DPP10: variants seen among roughly 807,000 people sequenced by gnomAD.
DPP10 encodes inactive dipeptidyl peptidase 10.
In DPP10, 33 loss-of-function variants were observed where a neutral mutation model predicts 120.9. That is an observed-to-expected ratio of 0.27 (90% CI 0.21 to 0.37). DPP10 has a LOEUF of 0.37. DPP10 is among the 10% of genes least tolerant of loss of function. DPP10 has a pLI of 1.00. For synonymous variants in DPP10, 337 were observed against 326.1 expected (o/e 1.03, Z -0.36); for missense variants, 816 against 942.8 (o/e 0.87, Z 1.76).
chr2:115,545,572 T>C (rs760396518), intron 5 of DPP10, among the ~76,000 whole-genome samples: 2 of 152,160 alleles, frequency 1.3e-5, no homozygotes, highest in African/African-American at 2.4e-5. Flanking sequence ...ATAGTGTGTT[T>C]GCACAACAGT....
intron 1 of DPP10, among the ~76,000 whole-genome samples, chr2:115,089,087 G>A (rs545474958): frequency 2.0e-5 from 3 of 152,094 alleles, no homozygotes; most frequent in South Asian, 2.1e-4. Flanking sequence ...CCTTCTGCCC[G>A]CAAACTTCTT....
Position 115,730,780 on chromosome 2 carries a change from A to T in DPP10, c.697+2844A>T, listed in dbSNP as rs1303667855. On this transcript the variant is annotated intron_variant, in intron 8 of 25. Transcript: ENST00000410059. ...CAAACGGGTAATACAAACTTTTGTG[A>T]TGATGCTGTAGGTCTGACGCATTCC... is the stretch of plus-strand genomic sequence containing the variant. Among the ~76,000 whole-genome samples the T allele has an allele frequency of 4.6e-5, 7 of 152,184 alleles. No individual in the cohort carries two copies. In the East Asian group the frequency reaches 1.3e-3, roughly 29 times the overall value.
At chr2:114,538,067 G>A (rs947343583) in intron 1 of DPP10, among the ~76,000 whole-genome samples, 3 of 152,166 alleles carry the variant, frequency 2.0e-5, no homozygotes, top group Admixed American at 2.0e-4. Context: ...TATTTTCCCT[G>A]GCTAGCTGTT....
intron 1 of DPP10, among the ~76,000 whole-genome samples, chr2:115,133,145 G>GTGTGTATATATATATATATATATATATA (rs1338395575): frequency 3.5e-5 from 1 of 28,762 alleles, no homozygotes; most frequent in African/African-American, 1.3e-4. Context: ...GTGTGTGTGT[G>GTGTGTATATATATATATATATATATATA]TATATATATA....
At chr2:114,711,191 A>G (rs1362909483) in intron 1 of DPP10, among the ~76,000 whole-genome samples, 1 of 152,202 alleles carries the variant, frequency 6.6e-6, no homozygotes, top group Non-Finnish European at 1.5e-5. Context: ...ATGGTATGAC[A>G]TGCTGGGCAT....
chr2:115,184,314 A>C, intron 1 of DPP10, among the ~76,000 whole-genome samples: 1 of 152,178 alleles, frequency 6.6e-6, no homozygotes, highest in East Asian at 1.9e-4. Flanking sequence ...CTGCCTGATG[A>C]AGATGATTTG....
chr2:114,775,957 T>G lies in DPP10; in HGVS notation c.60+333119T>G, dbSNP rs6741593. Among the ~76,000 whole-genome samples, 418 of 152,222 alleles carry G rather than the reference T, an allele frequency of 2.7e-3. 2 individuals are homozygous for G. Among genetic ancestry groups the G allele is most frequent in the Middle Eastern group, 0.017 (5 of 294 alleles). ...ACTTACAATGTTGGTAATACATTCA[T>G]GGAGGCACATGGGAAGGACCCAGAA... On this transcript the variant is annotated intron_variant, in intron 1 of 25. Coordinates refer to ENST00000410059, the MANE Select transcript of DPP10 (RefSeq NM_020868.6).
chr2:115,275,909 G>A (rs1310414642), intron 1 of DPP10, among the ~76,000 whole-genome samples: 1 of 151,894 alleles, frequency 6.6e-6, no homozygotes, highest in Non-Finnish European at 1.5e-5. Flanking sequence ...CACCGTGTTA[G>A]CCAGGATGGT....
chr2:115,456,051 T>C (rs565124978), intron 3 of DPP10, among the ~76,000 whole-genome samples: 1 of 151,762 alleles, frequency 6.6e-6, no homozygotes, highest in Non-Finnish European at 1.5e-5. Context: ...TGGGAGAAAA[T>C]TTTTGCAATC....
chr2:115,119,575 G>T (rs894072615), intron 1 of DPP10, among the ~76,000 whole-genome samples: 8 of 152,150 alleles, frequency 5.3e-5, no homozygotes, highest in African/African-American at 1.9e-4. Flanking sequence ...GTCTTTTGTG[G>T]TAGTATGTTC....
chr2:115,091,709 G>T (rs1208740247), intron 1 of DPP10, among the ~76,000 whole-genome samples: 2 of 152,142 alleles, frequency 1.3e-5, no homozygotes, highest in Non-Finnish European at 2.9e-5. Flanking sequence ...AAAGTCCCTT[G>T]TTAGTTATGC....
At chr2:115,018,780 G>A (rs1702855157) in intron 1 of DPP10, among the ~76,000 whole-genome samples, 1 of 152,136 alleles carries the variant, frequency 6.6e-6, no homozygotes, top group South Asian at 2.1e-4. Flanking sequence ...ACTGATGGGT[G>A]CAGCAAACCA....
At chr2:114,628,787 ACT>A (rs1231167210) in intron 1 of DPP10, among the ~76,000 whole-genome samples, 5 of 151,984 alleles carry the variant, frequency 3.3e-5, no homozygotes, top group Non-Finnish European at 5.9e-5. Flanking sequence ...TCCTTGACTA[ACT>A]CTCTGGATGC....
chr2:115,306,449 G>T (rs1258298504), intron 1 of DPP10, among the ~76,000 whole-genome samples: 3 of 152,110 alleles, frequency 2.0e-5, no homozygotes, highest in Admixed American at 2.0e-4. Context: ...GATTGTGCTG[G>T]CTGGGGAAAC....
chr2:114,802,767 T>C (rs1262950625), intron 1 of DPP10, among the ~76,000 whole-genome samples: 1 of 152,186 alleles, frequency 6.6e-6, no homozygotes. Flanking sequence ...AAGGAGAGAA[T>C]GATAAGTACC....
intron 1 of DPP10, among the ~76,000 whole-genome samples, chr2:114,825,243 C>T (rs888645226): frequency 6.6e-6 from 1 of 152,142 alleles, no homozygotes; most frequent in Admixed American, 6.5e-5. Context: ...ATTAGTTTAA[C>T]ATTTAATATC....
At chr2:115,115,075 G>A (rs986578552) in intron 1 of DPP10, among the ~76,000 whole-genome samples, 2 of 151,844 alleles carry the variant, frequency 1.3e-5, no homozygotes, top group African/African-American at 2.4e-5. Context: ...CTATGTGTAT[G>A]ACCGATATGT....
chr2:115,287,522 A>G (rs1215623318), intron 1 of DPP10, among the ~76,000 whole-genome samples: 13 of 152,060 alleles, frequency 8.5e-5, no homozygotes, highest in Non-Finnish European at 1.5e-5. Flanking sequence ...CTTAGCTCCC[A>G]TTTATAAGTG....
rs954276304 is a variant in DPP10, at chr2:115,615,385, A to G, written c.442-74302A>G. On this transcript the variant is annotated intron_variant, in intron 5 of 25. Coordinates refer to ENST00000410059, the MANE Select transcript of DPP10 (RefSeq NM_020868.6). ...CGGATTTTGAGTCCCCCCAAAATGG[A>G]TATTATTTGTCTCATTCGATGGACT... Among the ~76,000 whole-genome samples, 3 of 152,190 alleles carry G rather than the reference A, an allele frequency of 2.0e-5. No individual in the cohort carries two copies. In the South Asian group the frequency reaches 6.2e-4, roughly 32 times the overall value.
Sources: gnomAD v4.1 joint callset for allele counts (sites outside exome capture counted in the v4.1 genomes callset) on GRCh38, gnomAD v4.1.1 for gene constraint, MANE v1.5 for transcripts, NCBI Gene and HGNC (gene_info 2026-07-23, HGNC 2026-07-21) for gene names.